RSRP1: variants seen among roughly 807,000 people sequenced by gnomAD.
The protein encoded by RSRP1 is arginine/serine-rich protein 1.
A neutral mutation model predicts 33.0 loss-of-function variants in RSRP1; 37 were observed. The ratio of observed to expected loss-of-function variants is 1.12; its 90% CI spans 0.86 to 1.48. The LOEUF (loss-of-function observed/expected upper bound fraction) is 1.48. Ranked by LOEUF, RSRP1 falls within the 40% of genes most tolerant of loss-of-function variation. The probability of loss-of-function intolerance (pLI) is 0.00; values close to 1 mark genes in which losing one functional copy is unlikely to be tolerated. For synonymous variants in RSRP1, 167 were observed against 158.7 expected (o/e 1.05, Z -0.40); for missense variants, 402 against 385.3 (o/e 1.04, Z -0.36).
upstream of RSRP1, among the ~76,000 whole-genome samples, chr1:25,248,922 G>A (rs552064711): frequency 2.0e-5 from 3 of 152,264 alleles, no homozygotes; most frequent in South Asian, 2.1e-4. Context: ...GCCGAAGCGG[G>A]AAGATCACCT....
intron 1 of RSRP1, among the ~76,000 whole-genome samples, chr1:25,296,811 T>G (rs573621732): frequency 8.0e-6 from 1 of 124,772 alleles, no homozygotes; most frequent in South Asian, 2.5e-4. Context: ...CCACCATGAT[T>G]GTAAGTTTCC....
At position 25,247,306 on chromosome 1, in the gene RSRP1, T is replaced by A. The variant is rs75911021; in HGVS notation, c.-67+3A>T. 12,775 of 274,234 alleles carry A rather than the reference T, an allele frequency of 0.047. 1,498 individuals are homozygous for A. The highest frequency in any genetic ancestry group is 0.25 in the African/African-American group (11,381 of 44,714). 17.0% of individuals were successfully genotyped at this position (274,234 alleles called of 1,614,324 possible). On this transcript the variant is annotated splice_donor_region_variant and intron_variant, in intron 1 of 4. Transcript: ENST00000243189. ...TGAGAGACCCCGTCAGCAGAAAACT[T>A]ACCGCACGCCGTCGACGCCTCCCTC...
At chr1:25,332,698 G>A (rs539444322) in intron 1 of RSRP1, among the ~76,000 whole-genome samples, 1 of 132,622 alleles carries the variant, frequency 7.5e-6, no homozygotes, top group East Asian at 2.0e-4. Flanking sequence ...CATGAAACTT[G>A]TATTCTAATG....
chr1:25,307,799 G>C (rs1381462667), intron 1 of RSRP1: 1 of 1,300,266 alleles, frequency 7.7e-7, no homozygotes, highest in Non-Finnish European at 1.1e-6. Context: ...CCAAATTATA[G>C]GGATCACATA....
chr1:25,257,167 A>C (rs535616457), intron 1 of RSRP1, among the ~76,000 whole-genome samples: 17 of 152,352 alleles, frequency 1.1e-4, no homozygotes, highest in African/African-American at 3.6e-4. Flanking sequence ...ATGTATGGGA[A>C]TGCCTTCTTG....
rs1390147746 is a variant in RSRP1 at position 25,287,747 on chromosome 1, G to A, written c.-66-40718C>T. On this transcript the variant is annotated intron_variant, in intron 1 of 1. Transcript: ENST00000561867. ...ATTTTATTTATTTTTTTAGAGACAG[G>A]GTCTTGCTCTGTTGCCCAGTCTGGA... Among the ~76,000 whole-genome samples, 36 of 135,234 alleles carry A rather than the reference G, an allele frequency of 2.7e-4. 6 individuals carry two copies. The highest frequency in any genetic ancestry group is 8.4e-4 in the African/African-American group (33 of 39,368). The allele number at this position is 135,234 out of a possible 152,430, so 88.7% of individuals were successfully genotyped here. A position where few individuals can be genotyped will look rare whatever the true frequency, so the allele number is the denominator to read the frequency against.
intron 1 of RSRP1, among the ~76,000 whole-genome samples, chr1:25,336,784 A>G (rs1216027526): frequency 2.0e-5 from 3 of 151,540 alleles, no homozygotes; most frequent in East Asian, 3.8e-4. Context: ...CTCCACCCTG[A>G]GACATTAAAC....
intron 4 of RSRP1, 92 bp downstream of exon 4, chr1:25,243,458 C>A (rs1222092873): frequency 6.8e-7 from 1 of 1,474,162 alleles, no homozygotes; most frequent in African/African-American, 1.4e-5. Flanking sequence ...TGTCAGTAGG[C>A]CCCCAACTAT....
intron 1 of RSRP1, among the ~76,000 whole-genome samples, chr1:25,274,860 G>T (rs1345017455): frequency 1.6e-5 from 2 of 124,138 alleles, no homozygotes; most frequent in African/African-American, 5.5e-5. Context: ...TATAAAAACT[G>T]GCTGGGTGTG....
intron 1 of RSRP1, chr1:25,284,895 C>A (rs1344418944): frequency 5.4e-5 from 58 of 1,066,346 alleles, no homozygotes; most frequent in Non-Finnish European, 7.2e-5. Context: ...CATCCTTATA[C>A]TAAAAGATTA....
At position 25,305,910 on chromosome 1, in the gene RSRP1, T is replaced by C. The variant is rs1643788747; in HGVS notation, c.-67+32068A>G. On this transcript the variant is annotated intron_variant, in intron 1 of 1. Transcript: ENST00000561867. The stretch of plus-strand genomic sequence containing the variant: ...AGCCACCGTGCCCAACCTGGATTTT[T>C]ATTCTGAAGACTAATAGGGATTCTA... Among the ~76,000 whole-genome samples, 2 of 131,848 alleles carry C rather than the reference T, an allele frequency of 1.5e-5. 1 individual carries two copies. Among genetic ancestry groups the C allele is most frequent in the African/African-American group, 5.2e-5 (2 of 38,254 alleles). 86.5% of individuals were successfully genotyped at this position (131,848 alleles called of 152,430 possible). A position where few individuals can be genotyped will look rare whatever the true frequency, so the allele number is the denominator to read the frequency against.
intron 1 of RSRP1, among the ~76,000 whole-genome samples, chr1:25,268,337 G>C (rs1640387952): frequency 7.6e-6 from 1 of 131,854 alleles, no homozygotes; most frequent in Admixed American, 7.3e-5. Context: ...TAGCCAACGT[G>C]GTGAAACCCT....
rs1161833264 is a variant in RSRP1 at position 25,245,298 on chromosome 1, C to T, written c.524G>A (p.Arg175Gln). ...TTTTGCTATTTCTAACAGCTCCATT[C>T]GATCTAAAAAAAAAAGAGAGAGATT... is the stretch of plus-strand genomic sequence containing the variant. ...RTPFRLSEKDRMELLEIAKTN... is the reference protein window; with the variant it reads ...RTPFRLSEKDQMELLEIAKTN... The change falls in exon 3 of 5, where the codon CGA (arginine) becomes CAA (glutamine). Residue 175 changes from arginine (R) to glutamine (Q), a missense_variant. Arg to Gln is a conservative substitution (Grantham distance 43). Coordinates refer to ENST00000243189, the MANE Select transcript of RSRP1 (RefSeq NM_020317.5). 1.3e-5 allele frequency: 21 copies of T among 1,602,532 alleles called. No homozygotes were observed. Among genetic ancestry groups the T allele is most frequent in the East Asian group, 4.5e-5 (2 of 44,810 alleles).
chr1:25,275,747 G>A lies in RSRP1; in HGVS notation c.-66-28718C>T, dbSNP rs566343588. On this transcript the variant is annotated intron_variant, in intron 1 of 1. Coordinates refer to the RSRP1 transcript ENST00000561867. ...CCAGGCAGGGTCCATTGCTACAGTT[G>A]ACGATAGTGGATGAAAATTCACTCC... 1.0e-3 allele frequency among the ~76,000 whole-genome samples: 137 copies of A among 132,740 alleles called. 12 individuals are homozygous for A. Among genetic ancestry groups the A allele is most frequent in the African/African-American group, 3.2e-3 (124 of 39,028 alleles). The allele number at this position is 132,740 out of a possible 152,430, so 87.1% of individuals were successfully genotyped here.
In RSRP1 at chr1:25,246,426, G is replaced by A. The variant is rs1381631582; in HGVS notation, c.520+18C>T. ...CACCATACATTACCACAAATGGAAAGGTAAATGACCCACCCACCTTTTTCA... is the reference window on the plus strand; with the variant it reads ...CACCATACATTACCACAAATGGAAAAGTAAATGACCCACCCACCTTTTTCA... On this transcript the variant is annotated intron_variant, in intron 2 of 4. Transcript: ENST00000243189. 3.1e-6 allele frequency: 5 copies of A among 1,609,048 alleles called. No homozygotes were observed. Among genetic ancestry groups the A allele is most frequent in the Non-Finnish European group, 2.6e-6 (3 of 1,175,976 alleles).
At chr1:25,244,715 C>T (rs61777580) in intron 3 of RSRP1, 33,545 of 1,180,356 alleles carry the variant, frequency 0.028, 588 homozygotes, top group Middle Eastern at 0.044. Flanking sequence ...GACAGGGTCT[C>T]GCTCTGCTGC....
rs1376301511 is a variant in RSRP1 at position 25,300,886 on chromosome 1, C to T, written c.-67+37092G>A. 5.9e-6 allele frequency: 8 copies of T among 1,358,246 alleles called. 2 individuals are homozygous for T. The highest frequency in any genetic ancestry group is 8.3e-6 in the Non-Finnish European group (8 of 964,928). The allele number at this position is 1,358,246 out of a possible 1,614,324, so 84.1% of individuals were successfully genotyped here. On this transcript the variant is annotated intron_variant, in intron 1 of 1. Coordinates refer to the RSRP1 transcript ENST00000561867. ...GCTCTGAACTTTCTCCAAGGACTAT[C>T]AGGGCTTGCCCCGGGCAGAGGATGC...
At position 25,308,455 on chromosome 1, in the gene RSRP1, T is replaced by C. The variant is rs1420162698; in HGVS notation, c.-67+29523A>G. 8.5e-5 allele frequency among the ~76,000 whole-genome samples: 11 copies of C among 128,890 alleles called. 3 individuals carry two copies. Among genetic ancestry groups the C allele is most frequent in the Non-Finnish European group, 1.5e-4 (8 of 54,918 alleles). The allele number at this position is 128,890 out of a possible 152,430, so 84.6% of individuals were successfully genotyped here. On this transcript the variant is annotated intron_variant, in intron 1 of 1. Transcript: ENST00000561867. ...CTCAAGTTTTAGAACCACTGACCTATAGCCAAAAAAGAAAAAGCCAATCAG... is the reference window on the plus strand; with the variant it reads ...CTCAAGTTTTAGAACCACTGACCTACAGCCAAAAAAGAAAAAGCCAATCAG...
chr1:25,250,282 A>C (rs541604575), upstream of RSRP1, among the ~76,000 whole-genome samples: 1 of 152,228 alleles, frequency 6.6e-6, no homozygotes, highest in South Asian at 2.1e-4. Flanking sequence ...AGCTTGCCTC[A>C]ATATCTTATC....
Sources: gnomAD v4.1 joint callset for allele counts (sites outside exome capture counted in the v4.1 genomes callset) on GRCh38, gnomAD v4.1.1 for gene constraint, MANE v1.5 for transcripts, NCBI Gene and HGNC (gene_info 2026-07-23, HGNC 2026-07-21) for gene names.